The following L3MBTL1 variants were observed in gnomAD, a reference collection of about 807,000 sequenced individuals.
L3MBTL1 encodes the protein lethal(3)malignant brain tumor-like protein 1.
In L3MBTL1, 75 loss-of-function variants were observed where a neutral mutation model predicts 105.3. The ratio of observed to expected loss-of-function variants is 0.71; its 90% CI spans 0.59 to 0.86. The LOEUF (loss-of-function observed/expected upper bound fraction) is 0.86. L3MBTL1 is among the 40% of genes least tolerant of loss of function. The probability of loss-of-function intolerance (pLI) is 0.00; values close to 1 mark genes in which losing one functional copy is unlikely to be tolerated. For synonymous variants in L3MBTL1, 452 were observed against 436.2 expected, an observed-to-expected ratio of 1.04 and a Z score of -0.45; for missense variants, 1,069 against 1,126.4, an observed-to-expected ratio of 0.95 and a Z score of 0.73.
rs754133883 is a variant in L3MBTL1 at position 43,540,782 on chromosome 20, T to C, written c.2361T>C (p.Gly787=). The change falls in exon 21 of 22, where the codon GGT becomes GGC. Residue 787 remains glycine (G), a synonymous_variant. Coordinates refer to ENST00000418998, the MANE Select transcript of L3MBTL1 (RefSeq NM_001377303.1). The stretch of plus-strand genomic sequence containing the variant: ...TCGGCTTTGTTCAGACCCTGACAGG[T>C]TGTGAGGACCAAGCACGCCTCTTCA... ...EVFGFVQTLT[G]CEDQARLFKD... 12 of 1,614,052 alleles carry C rather than the reference T, an allele frequency of 7.4e-6. No individual in the cohort carries two copies. In the South Asian group the frequency reaches 1.3e-4, roughly 18 times the overall value.
intron 7 of L3MBTL1, among the ~76,000 whole-genome samples, chr20:43,519,249 A>G (rs2018579013): frequency 6.6e-6 from 1 of 151,230 alleles, no homozygotes; most frequent in African/African-American, 2.4e-5. Flanking sequence ...AGGCTGGAGA[A>G]TCGCTTGAAC....
Position 43,548,331 on chromosome 20 carries a change from C to A in L3MBTL1, c.*86C>A, listed in dbSNP as rs1233993025. On this transcript the variant is annotated 3_prime_UTR_variant, in exon 19 of 19. Coordinates refer to the L3MBTL1 transcript ENST00000422861. The stretch of plus-strand genomic sequence containing the variant: ...TCTTCCTGACCTGAATTCCTCATAC[C>A]CCACACGTCCCCATGCTCCACCTAT... The A allele has an allele frequency of 5.4e-6, 6 of 1,120,630 alleles. No individual in the cohort carries two copies. The East Asian group carries it at 2.9e-4, about 55-fold the overall frequency. The allele number at this position is 1,120,630 out of a possible 1,614,324, so 69.4% of individuals were successfully genotyped here. A position where few individuals can be genotyped will look rare whatever the true frequency, so the allele number is the denominator to read the frequency against.
chr20:43,530,909 AGTGGAT>A lies in L3MBTL1; in HGVS notation c.1284+23_1284+28del. On this transcript the variant is annotated intron_variant, in intron 11 of 21. Coordinates refer to ENST00000418998, the MANE Select transcript of L3MBTL1 (RefSeq NM_001377303.1). Reference sequence around the variant, plus strand: ...AGCCACGTGAGTGCCCCTGAGTGAGAGTGGATGTCACTCCCATGTGCCAGAGTTCAC... The same window carrying A: ...AGCCACGTGAGTGCCCCTGAGTGAGAGTCACTCCCATGTGCCAGAGTTCAC... 1 of 1,600,348 alleles carries A rather than the reference AGTGGAT, an allele frequency of 6.2e-7. No individual in the cohort carries two copies. Among genetic ancestry groups the A allele is most frequent in the Non-Finnish European group, 8.5e-7 (1 of 1,170,940 alleles).
chr20:43,540,366 A>T, intron 20 of L3MBTL1, 58 bp downstream of exon 20: 1 of 1,580,950 alleles, frequency 6.3e-7, no homozygotes, highest in East Asian at 2.2e-5. Flanking sequence ...CTCTCACCAT[A>T]CCCTGGTGGA....
At chr20:43,532,638 G>A in intron 11 of L3MBTL1, 135 bp from the exon 12 acceptor site, 1 of 972,082 alleles carries the variant, frequency 1.0e-6, no homozygotes, top group Non-Finnish European at 1.5e-6. Flanking sequence ...CTCTTTCCCA[G>A]CTTATTTCTC....
chr20:43,515,401 G>A lies in L3MBTL1; in HGVS notation c.763G>A (p.Glu255Lys), dbSNP rs2018337277. The A allele has an allele frequency of 2.6e-6, 4 of 1,557,290 alleles. No homozygotes were observed. Among genetic ancestry groups the A allele is most frequent in the African/African-American group, 1.4e-5 (1 of 73,624 alleles). The change falls in exon 6 of 22, where the codon GAG (glutamate) becomes AAG (lysine). Residue 255 changes from glutamate to lysine, a missense_variant. Transcript: ENST00000418998. The part of the protein sequence containing the change: ...EYQSPSEEES[E>K]PEAMEKQEEG... Reference sequence around the variant, plus strand: ...CCAGAGCCCATCAGAGGAGGAGTCGGAGCCAGAGGCCATGGTAGGAAGAGG... The same window carrying A: ...CCAGAGCCCATCAGAGGAGGAGTCGAAGCCAGAGGCCATGGTAGGAAGAGG...
chr20:43,530,359 C>G lies in L3MBTL1; in HGVS notation c.1132C>G (p.Pro378Ala). Reference sequence around the variant, plus strand: ...TGACTTCTGGGTCAATGCCAACTCCCCTGACATTCACCCTGCTGGCTGGTT... The same window carrying G: ...TGACTTCTGGGTCAATGCCAACTCCGCTGACATTCACCCTGCTGGCTGGTT... ...CHDFWVNANS[P>A]DIHPAGWFEK... is the part of the protein sequence containing the mutation. The change falls in exon 10 of 22, where the codon CCT (proline) becomes GCT (alanine). Residue 378 changes from proline (P) to alanine (A), a missense_variant. Coordinates refer to ENST00000418998, the MANE Select transcript of L3MBTL1 (RefSeq NM_001377303.1). 6.2e-7 allele frequency: 1 copy of G among 1,614,140 alleles called. No homozygotes were observed. Among genetic ancestry groups the G allele is most frequent in the Non-Finnish European group, 8.5e-7 (1 of 1,180,000 alleles).
intron 18 of L3MBTL1, among the ~76,000 whole-genome samples, chr20:43,547,102 C>CTTTTTTTTTTTTTTTTTTTT (rs11478523): frequency 8.2e-5 from 10 of 122,646 alleles, no homozygotes; most frequent in Non-Finnish European, 1.4e-4. Flanking sequence ...TTTTTAATGA[C>CTTTTTTTTTTTTTTTTTTTT]TTTTTTTTTT....
chr20:43,523,886 T>G (rs1162856447), intron 7 of L3MBTL1, among the ~76,000 whole-genome samples: 1 of 151,374 alleles, frequency 6.6e-6, no homozygotes, highest in African/African-American at 2.4e-5. Flanking sequence ...TCCCAGCTAC[T>G]CGGGAGGCTG....
chr20:43,547,429 G>A (rs1185335745), intron 18 of L3MBTL1, among the ~76,000 whole-genome samples: 2 of 152,164 alleles, frequency 1.3e-5, no homozygotes, highest in Non-Finnish European at 2.9e-5. Context: ...AAGTCTTTCA[G>A]AGTGTGGTTT....
chr20:43,508,609 C>G (rs775094067), intron 1 of L3MBTL1, among the ~76,000 whole-genome samples: 5 of 152,262 alleles, frequency 3.3e-5, no homozygotes, highest in African/African-American at 7.2e-5. Context: ...TGGACACATT[C>G]AGCCAACAGA....
chr20:43,522,617 C>T (rs998766184), intron 7 of L3MBTL1, among the ~76,000 whole-genome samples: 4 of 150,368 alleles, frequency 2.7e-5, no homozygotes, highest in South Asian at 2.1e-4. Flanking sequence ...AGACTACAGG[C>T]GCACACCACC....
At chr20:43,547,947 C>G (rs978621844) in intron 18 of L3MBTL1, among the ~76,000 whole-genome samples, 5 of 151,922 alleles carry the variant, frequency 3.3e-5, no homozygotes, top group Non-Finnish European at 7.4e-5. Flanking sequence ...CTCCTTTCTC[C>G]CGGTCCTTTC....
chr20:43,511,193 C>T (rs2018126635), intron 1 of L3MBTL1, among the ~76,000 whole-genome samples: 3 of 152,212 alleles, frequency 2.0e-5, no homozygotes, highest in Admixed American at 2.0e-4. Flanking sequence ...GCTGGGATTA[C>T]AGGCACATGG....
chr20:43,516,805 T>C (rs540845270), intron 7 of L3MBTL1, among the ~76,000 whole-genome samples: 1 of 152,242 alleles, frequency 6.6e-6, no homozygotes, highest in East Asian at 1.9e-4. Flanking sequence ...ATTAAAAGTT[T>C]TGGAGGGTGA....
At chr20:43,514,509 G>A (rs762351221) in intron 3 of L3MBTL1, 126 bp from the exon 4 acceptor site, 4 of 1,549,340 alleles carry the variant, frequency 2.6e-6, no homozygotes, top group Middle Eastern at 1.7e-4. Context: ...GCCCCCTGGC[G>A]TGGAGTCTTG....
chr20:43,508,178 T>C (rs1023641371), intron 1 of L3MBTL1, among the ~76,000 whole-genome samples: 6 of 151,904 alleles, frequency 3.9e-5, no homozygotes, highest in Non-Finnish European at 8.8e-5. Flanking sequence ...ATATGGAATT[T>C]TTTTTGTTTC....
At chr20:43,547,706 C>T (rs1252216238) in intron 18 of L3MBTL1, among the ~76,000 whole-genome samples, 1 of 152,152 alleles carries the variant, frequency 6.6e-6, no homozygotes, top group Non-Finnish European at 1.5e-5. Context: ...TTGCTGTTAG[C>T]AGCACTAAGG....
Position 43,529,010 on chromosome 20 carries a change from C to T in L3MBTL1, c.952-254C>T, listed in dbSNP as rs368292628. On this transcript the variant is annotated intron_variant, in intron 8 of 21. Coordinates refer to ENST00000418998, the MANE Select transcript of L3MBTL1 (RefSeq NM_001377303.1). ...GAATTCTGGTGACTTCTACTCAATTCAGCATTGATCTTTCCATGACTTTGG... is the reference window on the plus strand; with the variant it reads ...GAATTCTGGTGACTTCTACTCAATTTAGCATTGATCTTTCCATGACTTTGG... 10 of 601,364 alleles carry T rather than the reference C, an allele frequency of 1.7e-5. 1 individual carries two copies. Among genetic ancestry groups the T allele is most frequent in the Admixed American group, 5.9e-5 (2 of 33,978 alleles). 37.3% of individuals were successfully genotyped at this position (601,364 alleles called of 1,614,324 possible).
Sources: gnomAD v4.1 joint callset for allele counts (sites outside exome capture counted in the v4.1 genomes callset) on GRCh38, gnomAD v4.1.1 for gene constraint, MANE v1.5 for transcripts, NCBI Gene and HGNC (gene_info 2026-07-23, HGNC 2026-07-21) for gene names.